The following IGFBP5 variants were observed in gnomAD, a reference collection of about 807,000 sequenced individuals.
IGFBP5 encodes the protein insulin like growth factor binding protein 5, also known as insulin-like growth factor-binding protein 5.
A neutral mutation model predicts 28.0 loss-of-function variants in IGFBP5; 12 were observed. The ratio of observed to expected loss-of-function variants is 0.43; its 90% CI spans 0.27 to 0.69. The LOEUF (loss-of-function observed/expected upper bound fraction) is 0.69. IGFBP5 is among the 30% of genes least tolerant of loss of function. The pLI is 0.20. For synonymous variants in IGFBP5, 152 were observed against 150.2 expected, an observed-to-expected ratio of 1.01 and a Z score of -0.09; for missense variants, 344 against 381.6, an observed-to-expected ratio of 0.90 and a Z score of 0.82.
chr2:216,681,462 C>G (rs1323314590), intron 1 of IGFBP5, among the ~76,000 whole-genome samples: 2 of 152,134 alleles, frequency 1.3e-5, no homozygotes, highest in Admixed American at 6.6e-5. Context: ...GTGGGCTGCC[C>G]CAGCCTGGCC....
rs1688906560 is a variant in IGFBP5, at chr2:216,676,855, C to T, written c.715G>A (p.Gly239Ser). 6.2e-7 allele frequency: 1 copy of T among 1,613,922 alleles called. No homozygotes were observed. The highest frequency in any genetic ancestry group is 1.3e-5 in the African/African-American group (1 of 74,890). Reference sequence around the variant, plus strand: ...TACTTGTCCACGCACCAGCAGATGCCACGTTTGCGGCCACGGGAAGGTTTG... The same window carrying T: ...TACTTGTCCACGCACCAGCAGATGCTACGTTTGCGGCCACGGGAAGGTTTG... ...QCKPSRGRKR[G>S]ICWCVDKYGM... The change falls in exon 4 of 4, where the codon GGC becomes AGC. Residue 239 changes from glycine to serine, a missense_variant. Physicochemically the swap from Gly to Ser is moderately conservative, Grantham distance 56 (BLOSUM62 0). Coordinates refer to ENST00000233813, the MANE Select transcript of IGFBP5 (RefSeq NM_000599.4).
In IGFBP5 at chr2:216,694,419, G is replaced by A. The variant is rs978261772; in HGVS notation, c.337+20C>T. ...CCGCCCGTGCGCCGCGTAACTGACT[G>A]GCACACTGAGCGCGCTCACCGATCT... On this transcript the variant is annotated intron_variant, in intron 1 of 3. Transcript: ENST00000233813. This position sits in a 1 kb window ranked among gnomAD's most constrained non-coding sequence, Gnocchi z 5.2. 10 of 1,495,726 alleles carry A rather than the reference G, an allele frequency of 6.7e-6. No individual in the cohort carries two copies. Among genetic ancestry groups the A allele is most frequent in the Admixed American group, 2.2e-5 (1 of 45,840 alleles). The allele number at this position is 1,495,726 out of a possible 1,614,324, so 92.7% of individuals were successfully genotyped here. A position where few individuals can be genotyped will look rare whatever the true frequency, so the allele number is the denominator to read the frequency against.
intron 1 of IGFBP5, among the ~76,000 whole-genome samples, chr2:216,691,836 C>CGTGTGTGTGTGTGTGT (rs56040272): frequency 5.9e-4 from 71 of 121,222 alleles, no homozygotes; most frequent in Non-Finnish European, 2.2e-4. Context: ...TATAATATGT[C>CGTGTGTGTGTGTGTGT]GTGTGTGTGT....
Position 216,679,262 on chromosome 2 carries a change from A to C in IGFBP5, c.338-183T>G, listed in dbSNP as rs1688942115. 1 of 629,558 alleles carries C rather than the reference A, an allele frequency of 1.6e-6. No individual in the cohort carries two copies. Among genetic ancestry groups the C allele is most frequent in the Non-Finnish European group, 2.9e-6 (1 of 345,912 alleles). The allele number at this position is 629,558 out of a possible 1,614,324, so 39.0% of individuals were successfully genotyped here. On this transcript the variant is annotated intron_variant, in intron 1 of 3. Coordinates refer to ENST00000233813, the MANE Select transcript of IGFBP5 (RefSeq NM_000599.4). This position sits in a 1 kb window ranked among gnomAD's most constrained non-coding sequence, Gnocchi z 4.6. The stretch of plus-strand genomic sequence containing the variant: ...CAGGAAGCAGAGGGAATGCTCATTT[A>C]AGTGGCAGGAAGTTTCTGGCATGCT...
chr2:216,675,504 G>C lies in IGFBP5; in HGVS notation c.*1247C>G, dbSNP rs1688885260. 6.6e-6 allele frequency: 1 copy of C among 152,296 alleles called. No homozygotes were observed. Among genetic ancestry groups the C allele is most frequent in the Non-Finnish European group, 1.5e-5 (1 of 68,070 alleles). 9.4% of individuals were successfully genotyped at this position (152,296 alleles called of 1,614,324 possible). A position where few individuals can be genotyped will look rare whatever the true frequency, so the allele number is the denominator to read the frequency against. On this transcript the variant is annotated 3_prime_UTR_variant, in exon 4 of 4. Coordinates refer to ENST00000233813, the MANE Select transcript of IGFBP5 (RefSeq NM_000599.4). ...GGGCTGGCCTCTGCCTGGCTCGGTG[G>C]GTGCAGATGAACACACGTGGGGAAT... is the stretch of plus-strand genomic sequence containing the variant.
At position 216,694,528 on chromosome 2, in the gene IGFBP5, C is replaced by CG; in HGVS notation, c.247dup (p.Arg83ProfsTer36). ...GTGCAGCGGCTTCTCCTCGTCCTGC[C>CG]GGGGGAGGCAGCGCAGCCCCTGGGC... On this transcript the variant is annotated frameshift_variant, in exon 1 of 4. Transcript: ENST00000233813. LOFTEE classifies it high-confidence loss of function. The surrounding 1 kb of genome is among the most constrained non-coding windows in gnomAD (Gnocchi z 5.2). 1 of 1,581,574 alleles carries CG rather than the reference C, an allele frequency of 6.3e-7. No individual in the cohort carries two copies. Among genetic ancestry groups the CG allele is most frequent in the Non-Finnish European group, 8.6e-7 (1 of 1,167,084 alleles).
intron 1 of IGFBP5, among the ~76,000 whole-genome samples, chr2:216,688,790 C>T (rs1000460479): frequency 6.6e-6 from 1 of 152,152 alleles, no homozygotes; most frequent in Non-Finnish European, 1.5e-5. Flanking sequence ...CTATAGTTCA[C>T]CTGGCAGGTC....
intron 1 of IGFBP5, among the ~76,000 whole-genome samples, chr2:216,682,100 T>G (rs1688983700): frequency 6.6e-6 from 1 of 152,218 alleles, no homozygotes; most frequent in African/African-American, 2.4e-5. Context: ...AAGGCAAGTC[T>G]CCTGAGGGCA....
intron 1 of IGFBP5, among the ~76,000 whole-genome samples, chr2:216,689,948 G>A (rs1166714772): frequency 6.6e-6 from 1 of 150,476 alleles, no homozygotes; most frequent in South Asian, 2.1e-4. Flanking sequence ...GAGATTTTCA[G>A]TCACTCCTCT....
At chr2:216,680,514 G>A (rs542004370) in intron 1 of IGFBP5, among the ~76,000 whole-genome samples, 1 of 152,322 alleles carries the variant, frequency 6.6e-6, no homozygotes, top group African/African-American at 2.4e-5. Flanking sequence ...GTGTGAGTTA[G>A]GAAAGGCATT....
At chr2:216,687,101 C>T (rs11575152) in intron 1 of IGFBP5, among the ~76,000 whole-genome samples, 35 of 152,262 alleles carry the variant, frequency 2.3e-4, no homozygotes, top group African/African-American at 5.3e-4. Flanking sequence ...GGTTGACAGA[C>T]GCCTACTTGT....
intron 1 of IGFBP5, among the ~76,000 whole-genome samples, chr2:216,687,817 T>C (rs1003399506): frequency 3.3e-5 from 5 of 151,660 alleles, no homozygotes; most frequent in East Asian, 1.9e-4. Flanking sequence ...CACAGCCACA[T>C]CCCCCCAAAG....
rs1166357725 is a variant in IGFBP5 at position 216,674,174 on chromosome 2, C to G, written c.*2577G>C. On this transcript the variant is annotated 3_prime_UTR_variant, in exon 4 of 4. Transcript: ENST00000233813. The surrounding 1 kb of genome is among the most constrained non-coding windows in gnomAD (Gnocchi z 4.4). ...CTCAGGGGAGTGGCACCCCAGTATC[C>G]ACTTGGCAGATCCTAGTTGGATAAC... is the stretch of plus-strand genomic sequence containing the variant. The G allele has an allele frequency of 6.5e-6, 1 of 152,954 alleles. No individual in the cohort carries two copies. Among genetic ancestry groups the G allele is most frequent in the African/African-American group, 2.4e-5 (1 of 41,460 alleles). The allele number at this position is 152,954 out of a possible 1,614,324, so 9.5% of individuals were successfully genotyped here.
At chr2:216,693,377 T>A (rs1311756765) in intron 1 of IGFBP5, among the ~76,000 whole-genome samples, 1 of 149,718 alleles carries the variant, frequency 6.7e-6, no homozygotes, top group Non-Finnish European at 1.5e-5. Flanking sequence ...GCATTCTGCG[T>A]TTCCAGGGCC....
At position 216,679,558 on chromosome 2, in the gene IGFBP5, C is replaced by T. The variant is rs201114178; in HGVS notation, c.338-479G>A. On this transcript the variant is annotated intron_variant, in intron 1 of 3. Transcript: ENST00000233813. This position sits in a 1 kb window ranked among gnomAD's most constrained non-coding sequence, Gnocchi z 4.6. ...GCAGATGACACAGTCAGGGCGTGGA[C>T]GAGAAGGGCAAAGGCTGTCCTGTTA... Among the ~76,000 whole-genome samples the T allele has an allele frequency of 2.6e-5, 4 of 152,038 alleles. No individual in the cohort carries two copies. Among genetic ancestry groups the T allele is most frequent in the Non-Finnish European group, 5.9e-5 (4 of 68,008 alleles).
At chr2:216,693,251 C>G (rs1574584205) in intron 1 of IGFBP5, among the ~76,000 whole-genome samples, 1 of 152,098 alleles carries the variant, frequency 6.6e-6, no homozygotes, top group South Asian at 2.1e-4. Flanking sequence ...CTGTGTCAAT[C>G]ATTTCAACCC....
In IGFBP5 at chr2:216,675,687, T is replaced by A. The variant is rs1472929867; in HGVS notation, c.*1064A>T. Reference sequence around the variant, plus strand: ...ATGAGGAAGCTCCTCAATGCCCCTATAGGAACTACTTTGAAAAGTTAATGC... The same window carrying A: ...ATGAGGAAGCTCCTCAATGCCCCTAAAGGAACTACTTTGAAAAGTTAATGC... On this transcript the variant is annotated 3_prime_UTR_variant, in exon 4 of 4. Transcript: ENST00000233813. The A allele has an allele frequency of 6.6e-5, 10 of 152,026 alleles. No homozygotes were observed. The highest frequency in any genetic ancestry group is 1.5e-4 in the Non-Finnish European group (10 of 68,004). The allele number at this position is 152,026 out of a possible 1,614,324, so 9.4% of individuals were successfully genotyped here.
rs186900807 is a variant in IGFBP5, at chr2:216,688,434, T to A, written c.337+6005A>T. Among the ~76,000 whole-genome samples, 5 of 152,380 alleles carry A rather than the reference T, an allele frequency of 3.3e-5. No individual in the cohort carries two copies. The East Asian group carries it at 5.8e-4, about 18-fold the overall frequency. On this transcript the variant is annotated intron_variant, in intron 1 of 3. Transcript: ENST00000233813. ...ATATTTTGGATATATTCAGTTAAAA[T>A]GTATTATTACAATTAATTTCCCTGT... is the stretch of plus-strand genomic sequence containing the variant.
chr2:216,679,019 G>C lies in IGFBP5; in HGVS notation c.398C>G (p.Ser133Cys), dbSNP rs767402316. 2 of 1,614,064 alleles carry C rather than the reference G, an allele frequency of 1.2e-6. No homozygotes were observed. Among genetic ancestry groups the C allele is most frequent in the African/African-American group, 2.7e-5 (2 of 74,922 alleles). ...GTGTTTGGGCCGGAAGATCTTGGGG[G>C]AGTAGGTCTCCTCGGCCATCTCAGA... ...TTSEMAEETY[S>C]PKIFRPKHTR... The change falls in exon 2 of 4, where the codon TCC becomes TGC. Residue 133 changes from serine to cysteine, a missense_variant. Ser to Cys is a moderately radical substitution (Grantham distance 112, BLOSUM62 -1). Around this residue, in one of 3 missense-constraint regions of IGFBP5, gnomAD observed 304 missense variants for 329.2 expected, o/e 0.92. Coordinates refer to ENST00000233813, the MANE Select transcript of IGFBP5 (RefSeq NM_000599.4). The surrounding 1 kb of genome is among the most constrained non-coding windows in gnomAD (Gnocchi z 4.6).
Sources: allele counts gnomAD v4.1 joint callset (sites outside exome capture counted in the v4.1 genomes callset), GRCh38; gene constraint gnomAD v4.1.1; regional missense constraint gnomAD v4.1.1; non-coding constraint Gnocchi (gnomAD v3.1); transcripts MANE v1.5; gene names NCBI Gene and HGNC (gene_info 2026-07-23, HGNC 2026-07-21).